Variants in IRAK3 observed in about 807,000 individuals in gnomAD.
The protein encoded by IRAK3 is interleukin-1 receptor-associated kinase 3.
A neutral mutation model predicts 56.6 loss-of-function variants in IRAK3; 57 were observed. The ratio of observed to expected loss-of-function variants is 1.01; its 90% CI spans 0.81 to 1.26. The LOEUF (loss-of-function observed/expected upper bound fraction) is 1.26, where lower values mean the gene tolerates loss of function less well. Ranked by LOEUF, IRAK3 falls within the 50% of genes most tolerant of loss-of-function variation. IRAK3 has a pLI of 0.00. For synonymous variants in IRAK3, 258 were observed against 255.7 expected (o/e 1.01, Z -0.09); for missense variants, 703 against 719.0 (o/e 0.98, Z 0.25).
intron 1 of IRAK3, among the ~76,000 whole-genome samples, chr12:66,195,503 A>G (rs1485889673): frequency 1.3e-5 from 2 of 151,644 alleles, no homozygotes; most frequent in East Asian, 3.9e-4. Context: ...GGCTTTTCTC[A>G]CTTTCTTCTC....
At chr12:66,217,359 C>T (rs1006338158) in intron 6 of IRAK3, 124 bp downstream of exon 6, 35 of 785,200 alleles carry the variant, frequency 4.5e-5, no homozygotes, top group African/African-American at 1.0e-4. Context: ...GTTAGAACTT[C>T]GAATAAATTT....
chr12:66,197,728 C>T, intron 1 of IRAK3: 5 of 985,358 alleles, frequency 5.1e-6, no homozygotes, highest in Non-Finnish European at 6.0e-6. Context: ...GAACTATATG[C>T]CCCGGTCAAT....
chr12:66,215,438 G>A (rs1219428833), intron 5 of IRAK3, among the ~76,000 whole-genome samples: 4 of 152,160 alleles, frequency 2.6e-5, no homozygotes, highest in Admixed American at 6.5e-5. Flanking sequence ...ACACTCCTAT[G>A]TGTAGCAATA....
chr12:66,228,128 G>A (rs1048679535), intron 7 of IRAK3, 124 bp from the exon 8 acceptor site: 11 of 800,280 alleles, frequency 1.4e-5, no homozygotes, highest in Admixed American at 3.4e-5. Flanking sequence ...AAACCAAAAC[G>A]TTGATTCACC....
rs775774086 is a variant in IRAK3 at position 66,203,721 on chromosome 12, T to G, written c.144T>G (p.Leu48=). 1 of 1,614,040 alleles carries G rather than the reference T, an allele frequency of 6.2e-7. No homozygotes were observed. Among genetic ancestry groups the G allele is most frequent in the Non-Finnish European group, 8.5e-7 (1 of 1,179,962 alleles). The change falls in exon 2 of 12, where the codon CTT becomes CTG. Residue 48 remains leucine (L), a synonymous_variant. Coordinates refer to ENST00000261233, the MANE Select transcript of IRAK3 (RefSeq NM_007199.3). The part of the protein sequence containing the change: ...ALGWRGLAER[L]SSSWLDVRHI... ...TTGCAATTTCCACAGCAGAGAGACT[T>G]TCAAGCAGCTGGCTGGATGTTCGTC...
At chr12:66,221,083 C>A (rs2052728674) in intron 6 of IRAK3, among the ~76,000 whole-genome samples, 1 of 152,242 alleles carries the variant, frequency 6.6e-6, no homozygotes, top group Middle Eastern at 3.4e-3. Flanking sequence ...AAAATTTTCA[C>A]CTCCTTGGTT....
At chr12:66,233,513 G>T (rs547980243) in intron 8 of IRAK3, among the ~76,000 whole-genome samples, 190 of 99,910 alleles carry the variant, frequency 1.9e-3, no homozygotes, top group Non-Finnish European at 3.2e-3. Flanking sequence ...GCGAGACTCC[G>T]TCTCGGAAAA....
At chr12:66,228,896 A>T (rs1342147275) in intron 8 of IRAK3, among the ~76,000 whole-genome samples, 1 of 152,214 alleles carries the variant, frequency 6.6e-6, no homozygotes, top group East Asian at 1.9e-4. Flanking sequence ...GGCTGGGCTA[A>T]GCTGGGATGT....
chr12:66,211,054 G>A (rs1425165233), intron 4 of IRAK3, among the ~76,000 whole-genome samples: 1 of 152,172 alleles, frequency 6.6e-6, no homozygotes, highest in African/African-American at 2.4e-5. Context: ...AGTCATGCTT[G>A]GAGAATATTG....
At chr12:66,221,901 C>T (rs978307768) in intron 6 of IRAK3, among the ~76,000 whole-genome samples, 16 of 152,074 alleles carry the variant, frequency 1.1e-4, no homozygotes, top group Admixed American at 7.9e-4. Flanking sequence ...TAGTGGTGCA[C>T]GCTTGCAATC....
chr12:66,251,958 A>G lies in IRAK3; in HGVS notation c.*3787A>G, dbSNP rs1420448108. 1 of 152,224 alleles carries G rather than the reference A, an allele frequency of 6.6e-6. No homozygotes were observed. Among genetic ancestry groups the G allele is most frequent in the African/African-American group, 2.4e-5 (1 of 41,448 alleles). The allele number at this position is 152,224 out of a possible 1,614,324, so 9.4% of individuals were successfully genotyped here. ...GAATAGATTACTATGCATTTTTGAG[A>G]GGATGAAGAAGGCTTCTTGGAGAAG... On this transcript the variant is annotated 3_prime_UTR_variant, in exon 12 of 12. Transcript: ENST00000261233.
intron 9 of IRAK3, 46 bp from the exon 10 acceptor site, chr12:66,244,902 G>A: frequency 2.2e-6 from 3 of 1,387,628 alleles, no homozygotes; most frequent in Non-Finnish European, 3.1e-6. Context: ...CAAATTGTGT[G>A]TATATTTTTA....
intron 11 of IRAK3, among the ~76,000 whole-genome samples, chr12:66,245,913 T>C (rs2053028713): frequency 6.6e-6 from 1 of 152,164 alleles, no homozygotes; most frequent in Admixed American, 6.5e-5. Context: ...TTTATTTGTT[T>C]ATTTGCACAA....
intron 6 of IRAK3, 108 bp downstream of exon 6, chr12:66,217,343 T>C: frequency 1.2e-6 from 1 of 851,654 alleles, no homozygotes; most frequent in East Asian, 2.4e-5. Flanking sequence ...TAAATTTGGG[T>C]TGGATGTTAG....
At chr12:66,202,358 A>C (rs12314460) in intron 1 of IRAK3, among the ~76,000 whole-genome samples, 5,936 of 152,206 alleles carry the variant, frequency 0.039, 381 homozygotes, top group African/African-American at 0.14. Flanking sequence ...CCAATCAAGA[A>C]ACCAGAGATC....
intron 6 of IRAK3, among the ~76,000 whole-genome samples, chr12:66,223,678 A>G (rs1352581765): frequency 6.6e-6 from 1 of 151,150 alleles, no homozygotes; most frequent in African/African-American, 2.4e-5. Flanking sequence ...AAAAGTTATC[A>G]TGGTTTTTGC....
intron 1 of IRAK3, among the ~76,000 whole-genome samples, chr12:66,194,702 G>A (rs1282661174): frequency 6.6e-6 from 1 of 151,910 alleles, no homozygotes; most frequent in African/African-American, 2.4e-5. Context: ...GGTGGCAGGT[G>A]CCTGTAATCT....
intron 2 of IRAK3, 79 bp from the exon 3 acceptor site, chr12:66,209,377 T>C: frequency 2.5e-6 from 2 of 814,054 alleles, no homozygotes; most frequent in South Asian, 2.7e-5. Flanking sequence ...GCAAGACATT[T>C]ATTTTCAGAG....
chr12:66,237,529 G>A (rs542757326), intron 8 of IRAK3, among the ~76,000 whole-genome samples: 2 of 152,326 alleles, frequency 1.3e-5, no homozygotes, highest in African/African-American at 4.8e-5. Flanking sequence ...AGATGTCTCA[G>A]TTAACTATAG....
Sources: allele counts gnomAD v4.1 joint callset (sites outside exome capture counted in the v4.1 genomes callset), GRCh38; gene constraint gnomAD v4.1.1; transcripts MANE v1.5; gene names NCBI Gene and HGNC (gene_info 2026-07-23, HGNC 2026-07-21).